PRKCZ: variants seen among roughly 807,000 people sequenced by gnomAD.
The protein encoded by PRKCZ is protein kinase C zeta type.
In PRKCZ, 33 loss-of-function variants were observed where a neutral mutation model predicts 79.5. The ratio of observed to expected loss-of-function variants is 0.41; its 90% CI spans 0.31 to 0.55. The LOEUF (loss-of-function observed/expected upper bound fraction) is 0.55, where lower values mean the gene tolerates loss of function less well. Among genes scored for constraint, PRKCZ ranks in the 20% least tolerant of loss-of-function variants. The pLI is 0.19. For missense variants in PRKCZ, 578 were observed against 813.5 expected, an observed-to-expected ratio of 0.71 and a Z score of 3.52; for synonymous variants, 342 against 320.9, an observed-to-expected ratio of 1.07 and a Z score of -0.70.
intron 4 of PRKCZ, among the ~76,000 whole-genome samples, chr1:2,095,272 C>T (rs911360981): frequency 1.3e-5 from 2 of 152,182 alleles, no homozygotes; most frequent in African/African-American, 2.4e-5. Flanking sequence ...AGGGCCTGCC[C>T]TCCTGGCAGG....
intron 4 of PRKCZ, among the ~76,000 whole-genome samples, chr1:2,109,921 A>G (rs1161259996): frequency 6.6e-6 from 1 of 152,136 alleles, no homozygotes; most frequent in African/African-American, 2.4e-5. Flanking sequence ...GAATTGCCAG[A>G]CCTGGCCATT....
intron 3 of PRKCZ, among the ~76,000 whole-genome samples, chr1:2,056,919 G>A (rs548852617): frequency 1.3e-3 from 196 of 152,038 alleles, no homozygotes; most frequent in African/African-American, 4.4e-3. Flanking sequence ...TTGTAGAGAC[G>A]GGGTTTCACC....
At chr1:2,181,808 C>A (rs934619680) in intron 16 of PRKCZ, 2 of 455,396 alleles carry the variant, frequency 4.4e-6, no homozygotes, top group Non-Finnish European at 8.8e-6. Context: ...TAGGAAATGC[C>A]CCTTTTTCAC....
At chr1:2,065,610 C>T (rs576838102) in intron 4 of PRKCZ, among the ~76,000 whole-genome samples, 1 of 146,108 alleles carries the variant, frequency 6.8e-6, no homozygotes, top group East Asian at 2.1e-4. Flanking sequence ...ACCCGGGAGG[C>T]AGAGCTTGCA....
chr1:2,074,251 G>A (rs1022796893), intron 4 of PRKCZ: 30 of 1,550,370 alleles, frequency 1.9e-5, no homozygotes, highest in Non-Finnish European at 2.6e-5. Flanking sequence ...CTGCTGGAGG[G>A]ACATGCTCAC....
chr1:2,073,997 C>A, intron 4 of PRKCZ: 7 of 1,417,486 alleles, frequency 4.9e-6, no homozygotes, highest in Non-Finnish European at 6.4e-6. Context: ...TGCTGCAGGC[C>A]CTGTGCGTGC....
chr1:2,060,787 TG>T (rs1660602091), intron 4 of PRKCZ, among the ~76,000 whole-genome samples: 1 of 152,018 alleles, frequency 6.6e-6, no homozygotes, highest in Non-Finnish European at 1.5e-5. Context: ...CAGGTGGTTT[TG>T]GCAGCGCAGG....
intron 4 of PRKCZ, among the ~76,000 whole-genome samples, chr1:2,093,989 G>A (rs1251352611): frequency 6.6e-6 from 1 of 152,164 alleles, no homozygotes; most frequent in Non-Finnish European, 1.5e-5. Flanking sequence ...GGTGGAGGAA[G>A]TGCTGCCTGA....
At chr1:2,059,390 C>T (rs914466420) in intron 3 of PRKCZ, 151 bp from the exon 4 acceptor site, 10 of 890,020 alleles carry the variant, frequency 1.1e-5, no homozygotes, top group African/African-American at 1.7e-5. Context: ...CGGGGTTTTG[C>T]GTCTCCCAGG....
At chr1:2,059,003 C>A (rs1660434590) in intron 3 of PRKCZ, among the ~76,000 whole-genome samples, 1 of 152,090 alleles carries the variant, frequency 6.6e-6, no homozygotes, top group African/African-American at 2.4e-5. Flanking sequence ...TCATGTTGGC[C>A]AGGCTGGTCT....
chr1:2,157,553 G>T (rs865858368), intron 10 of PRKCZ, among the ~76,000 whole-genome samples: 14 of 152,100 alleles, frequency 9.2e-5, no homozygotes, highest in Middle Eastern at 3.4e-3. Flanking sequence ...GAGTAGCTGG[G>T]ATTACAAGCA....
intron 4 of PRKCZ, among the ~76,000 whole-genome samples, chr1:2,061,055 C>T (rs1050257575): frequency 1.6e-4 from 25 of 152,334 alleles, no homozygotes; most frequent in Middle Eastern, 3.4e-3. Context: ...CTCCACAGCG[C>T]CCTGCAGCCT....
chr1:2,159,118 G>T (rs761528462), intron 10 of PRKCZ, among the ~76,000 whole-genome samples: 11 of 152,134 alleles, frequency 7.2e-5, no homozygotes, highest in Non-Finnish European at 1.5e-4. Flanking sequence ...GTAGAAACGG[G>T]GTGAGCTCCG....
At chr1:2,083,739 G>A (rs910272791) in intron 4 of PRKCZ, among the ~76,000 whole-genome samples, 10 of 152,110 alleles carry the variant, frequency 6.6e-5, no homozygotes, top group African/African-American at 1.7e-4. Context: ...GGCTTGGGGC[G>A]TTTTAACAGC....
intron 10 of PRKCZ, among the ~76,000 whole-genome samples, chr1:2,159,775 C>T (rs905710694): frequency 6.6e-6 from 1 of 151,248 alleles, no homozygotes; most frequent in African/African-American, 2.4e-5. Context: ...ACAAACCATA[C>T]CCCATATCTA....
chr1:2,128,051 C>T lies in PRKCZ; in HGVS notation c.335-7211C>T, dbSNP rs1209946681. On this transcript the variant is annotated intron_variant, in intron 4 of 17. Coordinates refer to ENST00000378567, the MANE Select transcript of PRKCZ (RefSeq NM_002744.6). The surrounding 1 kb of genome is among the most constrained non-coding windows in gnomAD (Gnocchi z 6.5). Reference sequence around the variant, plus strand: ...CTCAGAATCTAGTGGAAATCGCTGCCCAGGGAAGAAGCTCCGGAGTCTAGA... The same window carrying T: ...CTCAGAATCTAGTGGAAATCGCTGCTCAGGGAAGAAGCTCCGGAGTCTAGA... Among the ~76,000 whole-genome samples, 1 of 152,178 alleles carries T rather than the reference C, an allele frequency of 6.6e-6. No homozygotes were observed. Among genetic ancestry groups the T allele is most frequent in the East Asian group, 1.9e-4 (1 of 5,200 alleles).
chr1:2,099,521 G>C (rs1460441514), intron 4 of PRKCZ, among the ~76,000 whole-genome samples: 1 of 152,140 alleles, frequency 6.6e-6, no homozygotes, highest in African/African-American at 2.4e-5. Context: ...GGGGCGGGGT[G>C]GGGAAGGCCG....
intron 4 of PRKCZ, among the ~76,000 whole-genome samples, chr1:2,126,129 C>G (rs1423828771): frequency 6.6e-6 from 1 of 152,146 alleles, no homozygotes; most frequent in East Asian, 1.9e-4. Context: ...CTAGTGTGTT[C>G]CCGTCACGTC....
At chr1:2,181,963 C>T in intron 16 of PRKCZ, 1 of 422,666 alleles carries the variant, frequency 2.4e-6, no homozygotes, top group Non-Finnish European at 4.8e-6. Flanking sequence ...CCTCCGGCTC[C>T]TCCCCAGCAC....
Sources: allele counts gnomAD v4.1 joint callset (sites outside exome capture counted in the v4.1 genomes callset), GRCh38; gene constraint gnomAD v4.1.1; non-coding constraint Gnocchi (gnomAD v3.1); transcripts MANE v1.5; gene names NCBI Gene and HGNC (gene_info 2026-07-23, HGNC 2026-07-21).